The following CXCL13 variants were observed in gnomAD, a reference collection of about 807,000 sequenced individuals.
CXCL13 encodes the protein C-X-C motif chemokine ligand 13, also known as C-X-C motif chemokine 13.
CXCL13 carries 7 observed loss-of-function variants against 12.2 expected under a neutral mutation model. The observed-to-expected ratio is 0.57, with a 90% confidence interval of 0.33 to 1.07. CXCL13 has a LOEUF of 1.07. Among genes scored for constraint, CXCL13 ranks in the 50% least tolerant of loss-of-function variants. The probability of loss-of-function intolerance (pLI) is 0.04; values close to 1 mark genes in which losing one functional copy is unlikely to be tolerated. For synonymous variants in CXCL13, 47 were observed against 42.4 expected (o/e 1.11, Z -0.42); for missense variants, 113 against 127.4 (o/e 0.89, Z 0.55).
intron 1 of CXCL13, among the ~76,000 whole-genome samples, chr4:77,522,514 CTTTTTTTTTTTT>C (rs777857811): frequency 4.3e-3 from 43 of 10,094 alleles, no homozygotes; most frequent in East Asian, 0.019. Context: ...GCAACCCCTG[CTTTTTTTTTTTT>C]TTTTTTTTTT....
At chr4:77,585,155 C>T (rs1726423121) in intron 1 of CXCL13, among the ~76,000 whole-genome samples, 1 of 152,144 alleles carries the variant, frequency 6.6e-6, no homozygotes, top group Non-Finnish European at 1.5e-5. Flanking sequence ...CCACTGGAAA[C>T]AGGCTTTATC....
At chr4:77,528,552 GGC>G (rs1724829083) in intron 1 of CXCL13, among the ~76,000 whole-genome samples, 1 of 152,164 alleles carries the variant, frequency 6.6e-6, no homozygotes, top group South Asian at 2.1e-4. Flanking sequence ...TTTTTCATGT[GGC>G]TTTTGGCTGC....
At chr4:77,586,644 G>A (rs775643360) in intron 1 of CXCL13, among the ~76,000 whole-genome samples, 2 of 152,146 alleles carry the variant, frequency 1.3e-5, no homozygotes, top group African/African-American at 2.4e-5. Context: ...CTCTGACAGT[G>A]GAGAAATAAC....
chr4:77,595,292 T>G (rs1426583547), intron 1 of CXCL13, among the ~76,000 whole-genome samples: 1 of 152,162 alleles, frequency 6.6e-6, no homozygotes. Flanking sequence ...ACACCTTGAG[T>G]AAAAGTATCC....
rs562707858 is a variant in CXCL13, at chr4:77,571,759, A to G, written c.-42-34065A>G. 3.1e-3 allele frequency among the ~76,000 whole-genome samples: 467 copies of G among 151,784 alleles called. 9 individuals are homozygous for G. Among genetic ancestry groups the G allele is most frequent in the African/African-American group, 0.011 (452 of 41,146 alleles). ...GCAACCCGCTCCAGTCCCCTTCCACACTGTGGAAGCTTTGTTCTTTTGCTC... is the reference window on the plus strand; with the variant it reads ...GCAACCCGCTCCAGTCCCCTTCCACGCTGTGGAAGCTTTGTTCTTTTGCTC... On this transcript the variant is annotated intron_variant, in intron 1 of 4. Transcript: ENST00000286758.
intron 1 of CXCL13, among the ~76,000 whole-genome samples, chr4:77,532,968 G>T (rs141289334): frequency 6.6e-6 from 1 of 151,938 alleles, no homozygotes; most frequent in Non-Finnish European, 1.5e-5. Flanking sequence ...TAACTTCTTT[G>T]CCATGGGTTT....
At chr4:77,603,852 G>A (rs181707022), upstream of CXCL13, among the ~76,000 whole-genome samples, 34 of 152,242 alleles carry the variant, frequency 2.2e-4, 1 homozygote, top group African/African-American at 7.5e-4. Context: ...GTATTTGGCC[G>A]AACCCTCTAC....
chr4:77,528,476 G>A (rs1360735351), intron 1 of CXCL13, among the ~76,000 whole-genome samples: 2 of 152,220 alleles, frequency 1.3e-5, no homozygotes, highest in African/African-American at 4.8e-5. Flanking sequence ...CATTCTAAGT[G>A]GTGTGAGATG....
At chr4:77,601,512 A>C (rs942472427), upstream of CXCL13, among the ~76,000 whole-genome samples, 25 of 152,216 alleles carry the variant, frequency 1.6e-4, no homozygotes, top group African/African-American at 5.5e-4. Flanking sequence ...GTAGGTAAAA[A>C]CAAAGTGTGG....
At chr4:77,581,578 C>A (rs1180597601) in intron 1 of CXCL13, among the ~76,000 whole-genome samples, 3 of 152,098 alleles carry the variant, frequency 2.0e-5, no homozygotes, top group Admixed American at 1.3e-4. Flanking sequence ...AATTATTATA[C>A]TATTACTCCC....
intron 1 of CXCL13, among the ~76,000 whole-genome samples, chr4:77,595,672 C>T (rs912839460): frequency 7.4e-6 from 1 of 135,402 alleles, no homozygotes; most frequent in Non-Finnish European, 1.5e-5. Context: ...CTGTCCTGCA[C>T]CCCCAAAGAG....
intron 1 of CXCL13, among the ~76,000 whole-genome samples, chr4:77,514,334 C>T (rs1724354153): frequency 6.7e-6 from 1 of 148,894 alleles, no homozygotes; most frequent in Non-Finnish European, 1.5e-5. Flanking sequence ...AATGGGATGG[C>T]TGGGTCAAAT....
At chr4:77,603,741 T>C (rs1335544436), upstream of CXCL13, among the ~76,000 whole-genome samples, 2 of 152,168 alleles carry the variant, frequency 1.3e-5, no homozygotes, top group Admixed American at 1.3e-4. Context: ...CCTAAACACC[T>C]CACTTTGAGA....
intron 1 of CXCL13, among the ~76,000 whole-genome samples, chr4:77,596,354 A>C (rs1726747536): frequency 6.6e-6 from 1 of 152,264 alleles, no homozygotes. Context: ...CGAAAAGGGA[A>C]CACGTACACT....
At chr4:77,536,214 G>T (rs115406041) in intron 1 of CXCL13, among the ~76,000 whole-genome samples, 1 of 152,106 alleles carries the variant, frequency 6.6e-6, no homozygotes, top group Non-Finnish European at 1.5e-5. Flanking sequence ...TTTACACTCT[G>T]CCTTATTTCA....
chr4:77,596,133 T>C (rs938464490), intron 1 of CXCL13, among the ~76,000 whole-genome samples: 2 of 152,210 alleles, frequency 1.3e-5, no homozygotes, highest in Non-Finnish European at 2.9e-5. Context: ...AGAAATACAA[T>C]GGAATTTTTC....
chr4:77,570,531 G>T lies in CXCL13; in HGVS notation c.-42-35293G>T, dbSNP rs148685767. Reference sequence around the variant, plus strand: ...GTCCTCAGAGCCCTCACTTGCTCTCGGCGCCTCCTCTGCCTGGGTTCCCAC... The same window carrying T: ...GTCCTCAGAGCCCTCACTTGCTCTCTGCGCCTCCTCTGCCTGGGTTCCCAC... On this transcript the variant is annotated intron_variant, in intron 1 of 4. Coordinates refer to the CXCL13 transcript ENST00000286758. 5.3e-5 allele frequency among the ~76,000 whole-genome samples: 8 copies of T among 152,282 alleles called. No individual in the cohort carries two copies. In the East Asian group the frequency reaches 1.5e-3, roughly 30 times the overall value.
intron 1 of CXCL13, among the ~76,000 whole-genome samples, chr4:77,527,449 T>A (rs909803434): frequency 2.0e-5 from 3 of 151,982 alleles, no homozygotes; most frequent in Non-Finnish European, 4.4e-5. Context: ...CTGGGCAACA[T>A]GGTGAAACCC....
At chr4:77,607,959 C>T (rs2109838359) in intron 2 of CXCL13, 124 bp downstream of exon 2, 1 of 981,776 alleles carries the variant, frequency 1.0e-6, no homozygotes, top group East Asian at 2.6e-5. Flanking sequence ...TAAAAATTCT[C>T]AAACTAATAA....
Sources: allele counts gnomAD v4.1 joint callset (sites outside exome capture counted in the v4.1 genomes callset), GRCh38; gene constraint gnomAD v4.1.1; transcripts MANE v1.5; gene names NCBI Gene and HGNC (gene_info 2026-07-23, HGNC 2026-07-21).